TG: variants seen among roughly 807,000 people sequenced by gnomAD.
TG encodes the protein thyroid hormones.
TG carries 270 observed loss-of-function variants against 324.7 expected under a neutral mutation model. That is an observed-to-expected ratio of 0.83 (90% CI 0.75 to 0.92). TG has a LOEUF of 0.92. Ranked by LOEUF, TG falls within the 40% of genes least tolerant of loss-of-function variation. The pLI, the probability that TG is intolerant of heterozygous loss-of-function variation, is 0.00. For missense variants in TG, 3,591 were observed against 3,456.4 expected (o/e 1.04, Z -0.98); for synonymous variants, 1,401 against 1,327.0 (o/e 1.06, Z -1.21).
intron 13 of TG, 51 bp downstream of exon 13, chr8:132,898,297 C>T (rs1817415178): frequency 2.6e-6 from 4 of 1,520,732 alleles, no homozygotes; most frequent in Non-Finnish European, 3.6e-6. Flanking sequence ...GTGGGCATCA[C>T]TGGTCTAGTC....
intron 26 of TG, 65 bp from the exon 27 acceptor site, chr8:132,948,711 C>T (rs1302981450): frequency 2.6e-6 from 4 of 1,549,996 alleles, no homozygotes; most frequent in Non-Finnish European, 3.6e-6. Context: ...TCTCAGGGGA[C>T]AGAGAAGAGT....
In TG at chr8:132,901,409, G is replaced by A. The variant is rs1817909102; in HGVS notation, c.3490G>A (p.Gly1164Ser). Residue 1164 changes from glycine (G) to serine (S), a missense_variant, in exon 16 of 48, where the codon GGC becomes AGC. Coordinates refer to ENST00000220616, the MANE Select transcript of TG (RefSeq NM_003235.5). ...AGTCCTCTCCAGGAGAGTCAGCCCA[G>A]GCTATGTCCCAGCCTGCAGGGCAGA... ...SGVLSRRVSP[G>S]YVPACRAEDG... 2 of 1,614,122 alleles carry A rather than the reference G, an allele frequency of 1.2e-6. No homozygotes were observed. Among genetic ancestry groups the A allele is most frequent in the African/African-American group, 1.3e-5 (1 of 74,952 alleles).
rs1414738978 is a variant in TG at position 133,001,700 on chromosome 8, C to T, written c.6263-10201C>T. 5 of 978,628 alleles carry T rather than the reference C, an allele frequency of 5.1e-6. No homozygotes were observed. In the African/African-American group the frequency reaches 8.8e-5, roughly 17 times the overall value. 60.6% of individuals were successfully genotyped at this position (978,628 alleles called of 1,614,324 possible). On this transcript the variant is annotated intron_variant, in intron 35 of 47. Coordinates refer to ENST00000220616, the MANE Select transcript of TG (RefSeq NM_003235.5). ...CAGGGAGACGTGAGCTGGGCTCTTC[C>T]TTCCAGCAAGTGCCCTGTGGCCGTA...
intron 43 of TG, among the ~76,000 whole-genome samples, chr8:133,111,272 A>G (rs985449504): frequency 7.2e-5 from 11 of 152,170 alleles, no homozygotes; most frequent in African/African-American, 2.4e-4. Context: ...CACCTCATGC[A>G]TCCTGTCTGT....
intron 10 of TG, among the ~76,000 whole-genome samples, chr8:132,889,566 C>A (rs780734065): frequency 6.6e-6 from 1 of 152,156 alleles, no homozygotes; most frequent in African/African-American, 2.4e-5. Context: ...GCAATAGAAC[C>A]CTCAAGGTTA....
At chr8:132,884,647 T>C (rs1815129047) in intron 8 of TG, among the ~76,000 whole-genome samples, 1 of 152,238 alleles carries the variant, frequency 6.6e-6, no homozygotes, top group African/African-American at 2.4e-5. Context: ...ATTTCATTTC[T>C]ACTAAAACCT....
At chr8:133,041,202 C>T (rs1405133713) in intron 41 of TG, among the ~76,000 whole-genome samples, 1 of 152,208 alleles carries the variant, frequency 6.6e-6, no homozygotes, top group African/African-American at 2.4e-5. Flanking sequence ...CTAAGCCACC[C>T]CTGGCCTCAG....
At chr8:132,982,933 T>C (rs1442300920) in intron 34 of TG, among the ~76,000 whole-genome samples, 1 of 152,148 alleles carries the variant, frequency 6.6e-6, no homozygotes. Context: ...TTGGTCAATG[T>C]CATGAGAAAA....
intron 5 of TG, among the ~76,000 whole-genome samples, chr8:132,874,283 T>G (rs529688680): frequency 1.1e-4 from 16 of 152,314 alleles, no homozygotes; most frequent in Non-Finnish European, 1.9e-4. Context: ...TTGTGAATTT[T>G]TGTAAACTGT....
At chr8:133,022,823 C>G (rs1405961068) in intron 40 of TG, among the ~76,000 whole-genome samples, 1 of 152,186 alleles carries the variant, frequency 6.6e-6, no homozygotes, top group Non-Finnish European at 1.5e-5. Context: ...GACAGAGTCA[C>G]TGACCTAGGA....
chr8:132,896,211 A>T (rs1817077299), intron 11 of TG, among the ~76,000 whole-genome samples: 1 of 152,216 alleles, frequency 6.6e-6, no homozygotes, highest in African/African-American at 2.4e-5. Flanking sequence ...GAGGAAACTG[A>T]AGCTCAGAGA....
At position 132,948,829 on chromosome 8, in the gene TG, A is replaced by G; in HGVS notation, c.5287A>G (p.Lys1763Glu). Residue 1763 changes from lysine (K) to glutamate (E), a missense_variant, in exon 27 of 48, where the codon AAA becomes GAA. Transcript: ENST00000220616. ...ACCCAGTGTCCTGCTTTGTAATGTC[A>G]AAGACTGGATGGATCCCTCTGAAGC... Reference protein sequence around the residue: ...SSPSVLLCNVKDWMDPSEAWA... With the variant: ...SSPSVLLCNVEDWMDPSEAWA... The G allele has an allele frequency of 1.2e-6, 2 of 1,613,852 alleles. No individual in the cohort carries two copies. Among genetic ancestry groups the G allele is most frequent in the East Asian group, 4.5e-5 (2 of 44,852 alleles).
At chr8:132,935,190 G>C (rs1185606490) in intron 24 of TG, among the ~76,000 whole-genome samples, 1 of 150,784 alleles carries the variant, frequency 6.6e-6, no homozygotes, top group Non-Finnish European at 1.5e-5. Flanking sequence ...GTCCAGGCTG[G>C]AGTACAGTGG....
intron 45 of TG, among the ~76,000 whole-genome samples, chr8:133,124,590 C>CT (rs1386732234): frequency 1.3e-5 from 2 of 152,184 alleles, no homozygotes; most frequent in African/African-American, 2.4e-5. Context: ...GCTATATCTA[C>CT]TTCGTAGTAT....
intron 32 of TG, 76 bp downstream of exon 32, chr8:132,969,645 A>G: frequency 8.6e-7 from 1 of 1,159,384 alleles, no homozygotes; most frequent in South Asian, 1.2e-5. Flanking sequence ...AATCACAGCT[A>G]AAAACAGAAG....
Position 132,948,903 on chromosome 8 carries a change from C to G in TG, c.5361C>G (p.His1787Gln). The stretch of plus-strand genomic sequence containing the variant: ...GTGTGACATATGACCAGGAGAGCCA[C>G]CAGGTGATATTGCGTCTTGGAGACC... ...CPGVTYDQES[H>Q]QVILRLGDQE... The change falls in exon 27 of 48, where the codon CAC becomes CAG. Residue 1787 changes from histidine to glutamine, a missense_variant. Physicochemically the swap from His to Gln is conservative, Grantham distance 24. Coordinates refer to ENST00000220616, the MANE Select transcript of TG (RefSeq NM_003235.5). 6.2e-7 allele frequency: 1 copy of G among 1,614,014 alleles called. No individual in the cohort carries two copies. The highest frequency in any genetic ancestry group is 8.5e-7 in the Non-Finnish European group (1 of 1,180,006).
chr8:132,925,516 C>CGTGTATGTGT, intron 22 of TG, among the ~76,000 whole-genome samples: 1 of 144,824 alleles, frequency 6.9e-6, no homozygotes, highest in South Asian at 2.2e-4. Flanking sequence ...CTAAGGAGTG[C>CGTGTATGTGT]GTGTGTGTGT....
chr8:132,962,465 AC>A (rs1170558066), intron 28 of TG, among the ~76,000 whole-genome samples: 1 of 152,194 alleles, frequency 6.6e-6, no homozygotes, highest in African/African-American at 2.4e-5. Flanking sequence ...TGAGGGACTT[AC>A]ATTTCTCCAG....
intron 41 of TG, among the ~76,000 whole-genome samples, chr8:133,040,817 T>C (rs1483377270): frequency 1.3e-5 from 2 of 152,150 alleles, no homozygotes; most frequent in East Asian, 3.9e-4. Flanking sequence ...AAAACAAAGA[T>C]AAAGAGGGCA....
Sources: allele counts gnomAD v4.1 joint callset (sites outside exome capture counted in the v4.1 genomes callset), GRCh38; gene constraint gnomAD v4.1.1; transcripts MANE v1.5; gene names NCBI Gene and HGNC (gene_info 2026-07-23, HGNC 2026-07-21).